Variants in KCNAB2 observed in about 807,000 individuals in gnomAD.
The protein encoded by KCNAB2 is voltage-gated potassium channel subunit beta-2.
A neutral mutation model predicts 63.6 loss-of-function variants in KCNAB2; 29 were observed. The observed-to-expected ratio is 0.46, with a 90% CI of 0.34 to 0.62. KCNAB2 has a LOEUF of 0.62. KCNAB2 is among the 20% of genes least tolerant of loss of function. The pLI is 0.01. For synonymous variants in KCNAB2, 222 were observed against 224.2 expected, an observed-to-expected ratio of 0.99 and a Z score of 0.09; for missense variants, 359 against 563.9, an observed-to-expected ratio of 0.64 and a Z score of 3.68.
rs1663514905 is a variant in KCNAB2, at chr1:6,074,697, C to T, written c.300+927C>T. ...CTAGCTGGCCGGGCGCGGTGACTCA[C>T]ACCTGTAACCCCAGCACTTTGGAAG... On this transcript the variant is annotated intron_variant, in intron 4 of 15. Transcript: ENST00000378083. This position sits in a 1 kb window ranked among gnomAD's most constrained non-coding sequence, Gnocchi z 4.9. Among the ~76,000 whole-genome samples the T allele has an allele frequency of 6.6e-6, 1 of 152,198 alleles. No homozygotes were observed. The highest frequency in any genetic ancestry group is 1.5e-5 in the Non-Finnish European group (1 of 68,040).
intron 1 of KCNAB2, among the ~76,000 whole-genome samples, chr1:5,993,114 C>T (rs528270561): frequency 1.5e-4 from 22 of 151,292 alleles, no homozygotes; most frequent in Admixed American, 2.6e-4. Flanking sequence ...TCTCTGCCCG[C>T]TCCGGTCCTA....
intron 1 of KCNAB2, among the ~76,000 whole-genome samples, chr1:6,016,067 G>A (rs938821772): frequency 3.9e-5 from 6 of 152,164 alleles, no homozygotes. Flanking sequence ...CTGATGCAAG[G>A]AACATCTTTT....
chr1:6,038,024 G>A (rs368412928), intron 1 of KCNAB2, among the ~76,000 whole-genome samples: 1 of 151,250 alleles, frequency 6.6e-6, no homozygotes, highest in Non-Finnish European at 1.5e-5. Flanking sequence ...ACAGGCGCCC[G>A]CCATCACACC....
chr1:6,023,470 C>CT (rs920029303), intron 1 of KCNAB2, among the ~76,000 whole-genome samples: 2 of 152,160 alleles, frequency 1.3e-5, no homozygotes, highest in African/African-American at 4.8e-5. Flanking sequence ...TTATTCTGGG[C>CT]TTTTTTATAG....
intron 6 of KCNAB2, among the ~76,000 whole-genome samples, chr1:6,085,554 A>G (rs1012400070): frequency 6.6e-6 from 1 of 152,144 alleles, no homozygotes; most frequent in African/African-American, 2.4e-5. Context: ...CAGGCCAAAA[A>G]GAGCTTGGCG....
At chr1:6,038,752 G>A (rs1032329976) in intron 1 of KCNAB2, among the ~76,000 whole-genome samples, 1 of 152,214 alleles carries the variant, frequency 6.6e-6, no homozygotes, top group African/African-American at 2.4e-5. Context: ...CGAGGAAGCC[G>A]GCTTCCTGGT....
Position 6,071,515 on chromosome 1 carries a change from A to G in KCNAB2, c.219-1240A>G, listed in dbSNP as rs548899123. 6.6e-6 allele frequency among the ~76,000 whole-genome samples: 1 copy of G among 152,302 alleles called. No homozygotes were observed. Among genetic ancestry groups the G allele is most frequent in the African/African-American group, 2.4e-5 (1 of 41,570 alleles). On this transcript the variant is annotated intron_variant, in intron 2 of 15. Coordinates refer to ENST00000378083, the MANE Select transcript of KCNAB2 (RefSeq NM_001199862.2). The surrounding 1 kb of genome is among the most constrained non-coding windows in gnomAD (Gnocchi z 8.5). ...CTTAACAGGCTGGGGTGTGGGATGC[A>G]TGCCACCATGGTGGGGAACGTGAGC...
intron 6 of KCNAB2, chr1:6,085,930 T>C: frequency 5.1e-6 from 5 of 985,272 alleles, no homozygotes; most frequent in Non-Finnish European, 6.0e-6. Context: ...CGGGGAGCGG[T>C]CCCCGGGTGT....
In KCNAB2 at chr1:6,098,772, T is replaced by C. The variant is rs569462297; in HGVS notation, c.*198T>C. 1.1e-5 allele frequency: 7 copies of C among 659,650 alleles called. No individual in the cohort carries two copies. In the East Asian group the frequency reaches 2.1e-4, roughly 20 times the overall value. The allele number at this position is 659,650 out of a possible 1,614,324, so 40.9% of individuals were successfully genotyped here. ...TTCGCCGGACAATGTCGAAGTCCAG[T>C]CTGTGCCGGGGAAGGCACTGGTTAG... On this transcript the variant is annotated 3_prime_UTR_variant, in exon 16 of 16. Coordinates refer to ENST00000378083, the MANE Select transcript of KCNAB2 (RefSeq NM_001199862.2).
At position 6,086,615 on chromosome 1, in the gene KCNAB2, G is replaced by C. The variant is rs1418902939; in HGVS notation, c.426-852G>C. 6.6e-6 allele frequency among the ~76,000 whole-genome samples: 1 copy of C among 152,178 alleles called. No homozygotes were observed. The highest frequency in any genetic ancestry group is 1.5e-5 in the Non-Finnish European group (1 of 68,014). On this transcript the variant is annotated intron_variant, in intron 6 of 15. Coordinates refer to ENST00000378083, the MANE Select transcript of KCNAB2 (RefSeq NM_001199862.2). This position sits in a 1 kb window ranked among gnomAD's most constrained non-coding sequence, Gnocchi z 4.2. ...GTGGGAAGTACTCCCTCCTCTGGGAGGGGTCAAGGTCAAACGTGGCTGGGA... is the reference window on the plus strand; with the variant it reads ...GTGGGAAGTACTCCCTCCTCTGGGACGGGTCAAGGTCAAACGTGGCTGGGA...
chr1:6,097,324 G>T lies in KCNAB2; in HGVS notation c.1125G>T (p.Ala375=). ...VSSVLLGASN[A]DQLMENIGAI... ...CCGTGCTCCTGGGGGCCTCCAATGC[G>T]GACCAGCTCATGGAGAACATTGGGG... The change falls in exon 15 of 16, where the codon GCG becomes GCT. Residue 375 remains alanine (A), a synonymous_variant. Transcript: ENST00000378083. 6.4e-7 allele frequency: 1 copy of T among 1,552,980 alleles called. No homozygotes were observed. Among genetic ancestry groups the T allele is most frequent in the Non-Finnish European group, 8.7e-7 (1 of 1,147,654 alleles).
intron 1 of KCNAB2, among the ~76,000 whole-genome samples, chr1:6,022,879 C>CTTTTT (rs34874871): frequency 1.6e-3 from 138 of 86,944 alleles, no homozygotes; most frequent in Non-Finnish European, 1.8e-3. Context: ...TTTTGCTTAT[C>CTTTTT]TTTTTTTTTT....
chr1:6,080,810 A>G (rs1571056133), intron 4 of KCNAB2, among the ~76,000 whole-genome samples: 1 of 151,740 alleles, frequency 6.6e-6, no homozygotes, highest in African/African-American at 2.4e-5. Flanking sequence ...CACTCTCCAT[A>G]CCTCCTGGCC....
chr1:6,085,902 G>C, intron 6 of KCNAB2: 5 of 986,200 alleles, frequency 5.1e-6, no homozygotes, highest in Non-Finnish European at 6.0e-6. Flanking sequence ...CTGGGAAGTG[G>C]TCCCCTCCAG....
intron 1 of KCNAB2, among the ~76,000 whole-genome samples, chr1:5,997,133 C>T (rs1266352927): frequency 1.3e-5 from 2 of 152,220 alleles, no homozygotes; most frequent in African/African-American, 2.4e-5. Context: ...TCAGTTCCCC[C>T]TCTTCCAGTC....
At chr1:6,066,216 C>T (rs1037172858) in intron 2 of KCNAB2, among the ~76,000 whole-genome samples, 7 of 152,202 alleles carry the variant, frequency 4.6e-5, no homozygotes, top group Non-Finnish European at 1.0e-4. Context: ...GGACAGCTGT[C>T]GGTGCAGAGC....
At chr1:6,081,928 T>C (rs1481046491) in intron 4 of KCNAB2, among the ~76,000 whole-genome samples, 1 of 152,192 alleles carries the variant, frequency 6.6e-6, no homozygotes, top group African/African-American at 2.4e-5. Flanking sequence ...ACTGATGGGG[T>C]CCCTGCTCTC....
At chr1:6,093,697 C>T (rs978158049) in intron 10 of KCNAB2, among the ~76,000 whole-genome samples, 1 of 152,324 alleles carries the variant, frequency 6.6e-6, no homozygotes, top group South Asian at 2.1e-4. Flanking sequence ...TGGGACCACC[C>T]CTTGCCAGGG....
chr1:6,048,017 C>G (rs1238545329), intron 1 of KCNAB2, among the ~76,000 whole-genome samples: 1 of 152,232 alleles, frequency 6.6e-6, no homozygotes, highest in African/African-American at 2.4e-5. Context: ...AAGCGGGCCC[C>G]CACAGGGAGG....
Sources: gnomAD v4.1 joint callset for allele counts (sites outside exome capture counted in the v4.1 genomes callset) on GRCh38, gnomAD v4.1.1 for gene constraint, Gnocchi (gnomAD v3.1) non-coding constraint, MANE v1.5 for transcripts, NCBI Gene and HGNC (gene_info 2026-07-23, HGNC 2026-07-21) for gene names.